The following NLRP6 variants were observed in gnomAD, a reference collection of about 807,000 sequenced individuals.
NLRP6 encodes NLR family pyrin domain containing 6, also known as NACHT, LRR and PYD domains-containing protein 6.
A neutral mutation model predicts 70.9 loss-of-function variants in NLRP6; 55 were observed. The observed-to-expected ratio is 0.78, with a 90% CI of 0.62 to 0.97. The LOEUF (loss-of-function observed/expected upper bound fraction) is 0.97, where lower values mean the gene tolerates loss of function less well. Ranked by LOEUF, NLRP6 falls within the 50% of genes least tolerant of loss-of-function variation. NLRP6 has a pLI of 0.00. For synonymous variants in NLRP6, 652 were observed against 581.9 expected, an observed-to-expected ratio of 1.12 and a Z score of -1.73; for missense variants, 1,241 against 1,238.3, an observed-to-expected ratio of 1.00 and a Z score of -0.03.
At chr11:279,168 T>C (rs1240845397) in intron 1 of NLRP6, 159 bp from the exon 2 acceptor site, 2 of 588,252 alleles carry the variant, frequency 3.4e-6, no homozygotes, top group Non-Finnish European at 5.0e-6. Flanking sequence ...CTGGGGTCAC[T>C]CCCCGTTGCC....
Position 281,471 on chromosome 11 carries a change from G to T in NLRP6, c.1737G>T (p.Val579=), listed in dbSNP as rs1316188769. 1.9e-6 allele frequency: 3 copies of T among 1,598,300 alleles called. No homozygotes were observed. The highest frequency in any genetic ancestry group is 2.6e-6 in the Non-Finnish European group (3 of 1,171,120). ...ERVKQEALRW[V]QGQGQGCPGV... ...TGAAGCAGGAGGCCCTGCGGTGGGT[G>T]CAGGGACAGGGACAGGGCTGCCCCG... The change falls in exon 4 of 8, where the codon GTG becomes GTT. Residue 579 remains valine, a synonymous_variant. Transcript: ENST00000534750.
In NLRP6 at chr11:280,703, G is replaced by A; in HGVS notation, c.969G>A (p.Leu323=). 1 of 1,572,144 alleles carries A rather than the reference G, an allele frequency of 6.4e-7. No individual in the cohort carries two copies. Among genetic ancestry groups the A allele is most frequent in the Non-Finnish European group, 8.6e-7 (1 of 1,161,802 alleles). The part of the protein sequence containing the change: ...SKALLPTALL[L]VTTRAAAPGR... ...CGCTGCTGCCCACGGCCCTCCTGCT[G>A]GTGACCACGCGCGCCGCCGCCCCCG... Residue 323 remains leucine (L), a synonymous_variant, in exon 4 of 8, where the codon CTG becomes CTA. Coordinates refer to ENST00000534750, the MANE Select transcript of NLRP6 (RefSeq NM_001276700.2).
chr11:282,283 C>G (rs1299978437), intron 4 of NLRP6, among the ~76,000 whole-genome samples: 4 of 152,108 alleles, frequency 2.6e-5, no homozygotes, highest in African/African-American at 9.7e-5. Flanking sequence ...TTTCGACCAC[C>G]CTGCTGTGAC....
Position 280,188 on chromosome 11 carries a change from A to T in NLRP6, c.454A>T (p.Ile152Phe). The change falls in exon 4 of 8, where the codon ATC becomes TTC. Residue 152 changes from isoleucine to phenylalanine, a missense_variant. Coordinates refer to ENST00000534750, the MANE Select transcript of NLRP6 (RefSeq NM_001276700.2). ...KITKRFTKLLIAPESAAPEEA... is the reference protein window; with the variant it reads ...KITKRFTKLLFAPESAAPEEA... ...CACCAAGCGCTTCACCAAGCTGCTC[A>T]TCGCGCCCGAGAGCGCCGCCCCGGA... 1 of 1,548,026 alleles carries T rather than the reference A, an allele frequency of 6.5e-7. No homozygotes were observed. The highest frequency in any genetic ancestry group is 8.7e-7 in the Non-Finnish European group (1 of 1,146,254).
At chr11:279,731 C>G (rs1239184610) in intron 2 of NLRP6, 103 bp from the exon 3 acceptor site, 2 of 1,359,870 alleles carry the variant, frequency 1.5e-6, no homozygotes, top group East Asian at 6.0e-5. Flanking sequence ...ATTCGCGGGC[C>G]CCAGGGGTAG....
At position 281,098 on chromosome 11, in the gene NLRP6, G is replaced by A. The variant is rs1845468733; in HGVS notation, c.1364G>A (p.Gly455Glu). 6.2e-7 allele frequency: 1 copy of A among 1,612,594 alleles called. No homozygotes were observed. Among genetic ancestry groups the A allele is most frequent in the Non-Finnish European group, 8.5e-7 (1 of 1,179,742 alleles). The change falls in exon 4 of 8, where the codon GGA becomes GAA. Residue 455 changes from glycine to glutamate, a missense_variant. Physicochemically the swap from Gly to Glu is moderately conservative, Grantham distance 98. Transcript: ENST00000534750. ...CGCCTGGCCCGCGAGGGCGTCCTCG[G>A]ACGCAGGGCGCAGTTTGCCGAGAAG... ...LCRLAREGVL[G>E]RRAQFAEKEL...
intron 4 of NLRP6, among the ~76,000 whole-genome samples, chr11:282,227 T>G (rs1289737232): frequency 6.6e-6 from 1 of 152,206 alleles, no homozygotes; most frequent in African/African-American, 2.4e-5. Context: ...AAGTCTGCCC[T>G]GGCTCCCCCA....
rs531634085 is a variant in NLRP6, at chr11:278,554, G to C, written c.-16G>C. The C allele has an allele frequency of 4.4e-6, 7 of 1,585,178 alleles. No homozygotes were observed. Among genetic ancestry groups the C allele is most frequent in the South Asian group, 2.3e-5 (2 of 87,406 alleles). The stretch of plus-strand genomic sequence containing the variant: ...CCTCTGCCCCGGAGTGCTAGACCCA[G>C]GGAGGAAGAGACCCCATGGACCAGC... On this transcript the variant is annotated 5_prime_UTR_variant, in exon 1 of 8. Coordinates refer to ENST00000534750, the MANE Select transcript of NLRP6 (RefSeq NM_001276700.2). The surrounding 1 kb of genome is among the most constrained non-coding windows in gnomAD (Gnocchi z 4.7).
rs1393087297 is a variant in NLRP6 at position 280,322 on chromosome 11, G to T, written c.588G>T (p.Leu196=). Reference sequence around the variant, plus strand: ...GCGACGAGGAGGGCCGGCGGCCGCTGACCGTGGTGCTGCAGGGCCCGGCGG... The same window carrying T: ...GCGACGAGGAGGGCCGGCGGCCGCTTACCGTGGTGCTGCAGGGCCCGGCGG... ...FRRDEEGRRP[L]TVVLQGPAGI... The change falls in exon 4 of 8, where the codon CTG becomes CTT. Residue 196 remains leucine, a synonymous_variant. Coordinates refer to ENST00000534750, the MANE Select transcript of NLRP6 (RefSeq NM_001276700.2). The T allele has an allele frequency of 6.7e-7, 1 of 1,503,256 alleles. No individual in the cohort carries two copies. The highest frequency in any genetic ancestry group is 2.3e-5 in the Admixed American group (1 of 44,120). 93.1% of individuals were successfully genotyped at this position (1,503,256 alleles called of 1,614,324 possible).
At position 282,797 on chromosome 11, in the gene NLRP6, C is replaced by T. The variant is rs201442729; in HGVS notation, c.2198C>T (p.Thr733Met). The T allele has an allele frequency of 9.3e-5, 150 of 1,605,592 alleles. No individual in the cohort carries two copies. In the African/African-American group the frequency reaches 1.6e-3, roughly 17 times the overall value. The change falls in exon 5 of 8, where the codon ACG becomes ATG. Residue 733 changes from threonine to methionine, a missense_variant and splice_region_variant. Physicochemically the swap from Thr to Met is moderately conservative, Grantham distance 81. Transcript: ENST00000534750. ...TDPLCHLSSL[T>M]LSHCKLPDAV... ...CCACTGTGCCATCTGAGCAGCCTCA[C>T]GTGAGTGGCCACACCCCCAGCTCTT...
chr11:278,422 G>A lies in NLRP6; in HGVS notation c.-148G>A, dbSNP rs7101419. ...GTGCCACGGTGCCCAACAGCATCTC[G>A]TGCCAGCTGAGCTGCGGTGTGTGGA... On this transcript the variant is annotated 5_prime_UTR_variant, in exon 1 of 8. In the 5' UTR this introduces an upstream ATG that the reference lacks. Transcript: ENST00000534750. This position sits in a 1 kb window ranked among gnomAD's most constrained non-coding sequence, Gnocchi z 4.7. 373 of 583,956 alleles carry A rather than the reference G, an allele frequency of 6.4e-4. 4 individuals carry two copies. Among genetic ancestry groups the A allele is most frequent in the African/African-American group, 5.9e-3 (304 of 51,790 alleles). The allele number at this position is 583,956 out of a possible 1,614,324, so 36.2% of individuals were successfully genotyped here.
intron 1 of NLRP6, 56 bp from the exon 2 acceptor site, chr11:279,267 GGGGC>G: frequency 3.3e-6 from 4 of 1,213,234 alleles, no homozygotes; most frequent in Non-Finnish European, 4.1e-6. Context: ...GCCAGAGTCG[GGGGC>G]GGGCGGGGGT....
rs1845423604 is a variant in NLRP6, at chr11:278,714, C to T, written c.29+116C>T. The T allele has an allele frequency of 1.4e-6, 1 of 716,488 alleles. No individual in the cohort carries two copies. Among genetic ancestry groups the T allele is most frequent in the African/African-American group, 1.8e-5 (1 of 54,114 alleles). 44.4% of individuals were successfully genotyped at this position (716,488 alleles called of 1,614,324 possible). On this transcript the variant is annotated intron_variant, in intron 1 of 7. Coordinates refer to ENST00000534750, the MANE Select transcript of NLRP6 (RefSeq NM_001276700.2). This position sits in a 1 kb window ranked among gnomAD's most constrained non-coding sequence, Gnocchi z 4.7. ...CACCCTTGTCCACATCCTTCCCCCA[C>T]CCTCACTCCCAGGCTCAGGAGCCAA...
chr11:282,605 G>A (rs879270662), intron 4 of NLRP6, 100 bp from the exon 5 acceptor site: 6 of 913,164 alleles, frequency 6.6e-6, no homozygotes, highest in African/African-American at 1.6e-5. Flanking sequence ...TGAGGAGGAG[G>A]GGCAGCTCTG....
At position 281,543 on chromosome 11, in the gene NLRP6, C is replaced by A. The variant is rs757202145; in HGVS notation, c.1809C>A (p.Thr603=). The part of the protein sequence containing the change: ...VTEGAKGLED[T]EEPEEEEEGE... ...AGGGGGCCAAAGGGCTCGAGGACACCGAAGAGCCAGAGGAGGAGGAGGAGG... is the reference window on the plus strand; with the variant it reads ...AGGGGGCCAAAGGGCTCGAGGACACAGAAGAGCCAGAGGAGGAGGAGGAGG... The change falls in exon 4 of 8, where the codon ACC becomes ACA. Residue 603 remains threonine, a synonymous_variant. Transcript: ENST00000534750. The A allele has an allele frequency of 3.1e-6, 5 of 1,610,470 alleles. No individual in the cohort carries two copies. The highest frequency in any genetic ancestry group is 4.2e-6 in the Non-Finnish European group (5 of 1,178,500).
At chr11:279,281 T>TG in intron 1 of NLRP6, 46 bp from the exon 2 acceptor site, 1 of 586,718 alleles carries the variant, frequency 1.7e-6, no homozygotes, top group Non-Finnish European at 2.3e-6. Flanking sequence ...CGGGCGGGGG[T>TG]CACCCGAGGG....
intron 4 of NLRP6, 36 bp downstream of exon 4, chr11:281,875 G>A (rs751765742): frequency 1.3e-6 from 2 of 1,530,592 alleles, no homozygotes; most frequent in South Asian, 2.5e-5. Context: ...TCTTGTGTGT[G>A]AGGTGTGTGT....
chr11:279,742 G>A (rs961939105), intron 2 of NLRP6, 92 bp from the exon 3 acceptor site: 1 of 1,412,190 alleles, frequency 7.1e-7, no homozygotes. Flanking sequence ...CCAGGGGTAG[G>A]ACCCTGCGTG....
Position 280,391 on chromosome 11 carries a change from G to C in NLRP6, c.657G>C (p.Trp219Cys), listed in dbSNP as rs1845452805. Residue 219 changes from tryptophan to cysteine, a missense_variant, in exon 4 of 8, where the codon TGG becomes TGC. Physicochemically the swap from Trp to Cys is radical, Grantham distance 215. Transcript: ENST00000534750. ...CGGCCAAAAAGATCCTGTACGACTG[G>C]GCGGCGGGCAAGCTGTACCAGGGCC... The part of the protein sequence containing the change: ...TMAAKKILYD[W>C]AAGKLYQGQV... 5.7e-6 allele frequency: 9 copies of C among 1,565,676 alleles called. No individual in the cohort carries two copies. The highest frequency in any genetic ancestry group is 7.7e-6 in the Non-Finnish European group (9 of 1,163,390).
Sources: allele counts gnomAD v4.1 joint callset (sites outside exome capture counted in the v4.1 genomes callset), GRCh38; gene constraint gnomAD v4.1.1; non-coding constraint Gnocchi (gnomAD v3.1); transcripts MANE v1.5; gene names NCBI Gene and HGNC (gene_info 2026-07-23, HGNC 2026-07-21).